PROX1: variants seen among roughly 807,000 people sequenced by gnomAD.
The protein encoded by PROX1 is prospero homeobox 1, also known as prospero homeobox protein 1.
Under a neutral mutation model 58.8 loss-of-function variants are expected in PROX1, and 7 were observed. The observed-to-expected ratio is 0.12, with a 90% CI of 0.07 to 0.22. The LOEUF (loss-of-function observed/expected upper bound fraction) is 0.22. PROX1 is among the 10% of genes least tolerant of loss of function. The pLI, the probability that PROX1 is intolerant of heterozygous loss-of-function variation, is 1.00. For missense variants in PROX1, 675 were observed against 927.8 expected (o/e 0.73, Z 3.54); for synonymous variants, 350 against 358.3 (o/e 0.98, Z 0.26).
intron 1 of PROX1, among the ~76,000 whole-genome samples, chr1:213,991,894 T>C (rs1663050784): frequency 6.6e-6 from 1 of 152,176 alleles, no homozygotes; most frequent in African/African-American, 2.4e-5. Context: ...AATATGAAAA[T>C]AGATTGTGCA....
chr1:214,004,788 GA>G (rs540439814), intron 2 of PROX1, among the ~76,000 whole-genome samples: 5 of 151,202 alleles, frequency 3.3e-5, no homozygotes, highest in African/African-American at 4.9e-5. Context: ...TTGCAAGGAA[GA>G]AAAAAAAACC....
At chr1:214,002,089 A>G (rs1663536164) in intron 2 of PROX1, among the ~76,000 whole-genome samples, 1 of 152,188 alleles carries the variant, frequency 6.6e-6, no homozygotes, top group South Asian at 2.1e-4. Flanking sequence ...AGTAGTCTCA[A>G]CCCATTTGCT....
intron 1 of PROX1, among the ~76,000 whole-genome samples, chr1:213,996,017 G>A (rs1027568994): frequency 7.9e-5 from 12 of 152,056 alleles, no homozygotes; most frequent in African/African-American, 2.9e-4. Context: ...CACACTAATT[G>A]TAATGCAGAA....
chr1:213,983,520 C>G (rs539211853), upstream of PROX1, among the ~76,000 whole-genome samples: 118 of 152,328 alleles, frequency 7.7e-4, 4 homozygotes, highest in South Asian at 0.024. Flanking sequence ...GCAAAGGTGT[C>G]CCCTTCACAC....
At chr1:213,994,136 C>T (rs544959432) in intron 1 of PROX1, among the ~76,000 whole-genome samples, 90 of 150,276 alleles carry the variant, frequency 6.0e-4, no homozygotes, top group African/African-American at 2.1e-3. Flanking sequence ...TGGGGATGAC[C>T]TTGTGCTCAT....
intron 4 of PROX1, among the ~76,000 whole-genome samples, chr1:214,033,645 G>T (rs1664736720): frequency 6.6e-6 from 1 of 152,148 alleles, no homozygotes; most frequent in South Asian, 2.1e-4. Flanking sequence ...TGTAGCATTT[G>T]GCTAACAGCT....
Position 214,035,964 on chromosome 1 carries a change from G to T in PROX1, c.*130G>T. 1.4e-6 allele frequency: 1 copy of T among 702,786 alleles called. No homozygotes were observed. The allele number at this position is 702,786 out of a possible 1,614,324, so 43.5% of individuals were successfully genotyped here. On this transcript the variant is annotated 3_prime_UTR_variant, in exon 5 of 5. Coordinates refer to ENST00000366958, the MANE Select transcript of PROX1 (RefSeq NM_001270616.2). ...CATGGATATGTTATGAAATCAGCTG[G>T]TAATTCCTCCTCATCACGTTTCTCT...
chr1:213,996,541 T>C lies in PROX1; in HGVS notation c.6T>C (p.Pro2=). The change falls in exon 2 of 5, where the codon CCT becomes CCC. Residue 2 remains proline, a synonymous_variant. Coordinates refer to ENST00000366958, the MANE Select transcript of PROX1 (RefSeq NM_001270616.2). ...GGCACAATAACCGTCCAGTGATGCC[T>C]GACCATGACAGCACAGCCCTCTTAA... M[P]DHDSTALLSR... is the part of the protein sequence containing the mutation. 10 of 1,612,384 alleles carry C rather than the reference T, an allele frequency of 6.2e-6. No individual in the cohort carries two copies. Among genetic ancestry groups the C allele is most frequent in the Non-Finnish European group, 8.5e-6 (10 of 1,178,790 alleles).
At chr1:213,993,505 A>G (rs950474570) in intron 1 of PROX1, among the ~76,000 whole-genome samples, 3 of 152,230 alleles carry the variant, frequency 2.0e-5, no homozygotes, top group Non-Finnish European at 4.4e-5. Context: ...AAATGTTTTT[A>G]AGAGATTTAA....
chr1:214,028,206 C>T (rs1231959085), intron 4 of PROX1, among the ~76,000 whole-genome samples: 1 of 152,172 alleles, frequency 6.6e-6, no homozygotes, highest in Non-Finnish European at 1.5e-5. Context: ...AGCAACTTCA[C>T]AGCCAGTGCT....
chr1:214,035,598 A>AGACTT (rs1571849614), intron 4 of PROX1, 51 bp from the exon 5 acceptor site: 1 of 1,538,974 alleles, frequency 6.5e-7, no homozygotes, highest in East Asian at 2.3e-5. Context: ...GAATAACTGT[A>AGACTT]GACTTGAAAC....
At chr1:214,000,817 C>A (rs543590459) in intron 2 of PROX1, among the ~76,000 whole-genome samples, 3 of 152,136 alleles carry the variant, frequency 2.0e-5, no homozygotes, top group Admixed American at 6.5e-5. Flanking sequence ...GCAGTGTGTT[C>A]TTCCCTTGAT....
chr1:213,998,395 T>C (rs1028836185), intron 2 of PROX1, 135 bp downstream of exon 2: 2 of 1,112,750 alleles, frequency 1.8e-6, no homozygotes, highest in Admixed American at 3.0e-5. Flanking sequence ...TTCAAAGGAA[T>C]AGGCTTTTAT....
At position 214,027,856 on chromosome 1, in the gene PROX1, T is replaced by TTATATA. The variant is rs139270548; in HGVS notation, c.2029-7780_2029-7775dup. Among the ~76,000 whole-genome samples, 352 of 145,014 alleles carry TTATATA rather than the reference T, an allele frequency of 2.4e-3. 1 individual carries two copies. The highest frequency in any genetic ancestry group is 8.1e-3 in the African/African-American group (327 of 40,520). The stretch of plus-strand genomic sequence containing the variant: ...AACAGAACATTGTTCTTTCGAAGCT[T>TTATATA]TATATATATATATATATAAAAGAGA... On this transcript the variant is annotated intron_variant, in intron 4 of 4. Coordinates refer to ENST00000366958, the MANE Select transcript of PROX1 (RefSeq NM_001270616.2).
intron 4 of PROX1, among the ~76,000 whole-genome samples, chr1:214,028,254 A>G (rs1442860772): frequency 2.0e-5 from 3 of 152,130 alleles, no homozygotes; most frequent in Non-Finnish European, 1.5e-5. Flanking sequence ...CAAGCATCCT[A>G]ATAAAATTCA....
rs1664846155 is a variant in PROX1, at chr1:214,036,879, G to A, written c.*1045G>A. On this transcript the variant is annotated 3_prime_UTR_variant, in exon 5 of 5. Transcript: ENST00000366958. ...AGCTGACTTGATCGTCATCTCCTAA[G>A]AGGAACACATATATTTTCACAAGCA... 6.6e-6 allele frequency: 1 copy of A among 152,212 alleles called. No individual in the cohort carries two copies. Among genetic ancestry groups the A allele is most frequent in the Non-Finnish European group, 1.5e-5 (1 of 68,036 alleles). 9.4% of individuals were successfully genotyped at this position (152,212 alleles called of 1,614,324 possible).
At chr1:214,016,080 G>C (rs890703510) in intron 4 of PROX1, among the ~76,000 whole-genome samples, 3 of 152,180 alleles carry the variant, frequency 2.0e-5, no homozygotes, top group African/African-American at 7.2e-5. Flanking sequence ...CCATCTTAGA[G>C]ACTGTGGGTT....
Position 213,997,897 on chromosome 1 carries a change from C to T in PROX1, c.1362C>T (p.Gly454=), listed in dbSNP as rs1439169129. Residue 454 remains glycine, a synonymous_variant, in exon 2 of 5, where the codon GGC becomes GGT. Transcript: ENST00000366958. This position sits in a 1 kb window ranked among gnomAD's most constrained non-coding sequence, Gnocchi z 7.1. ...RKNSSDQSAS[G]PAAGGHHQPL... is the part of the protein sequence containing the mutation. ...ACTCCTCTGACCAGTCTGCCTCCGG[C>T]CCTGCCGCTGGCGGCCACCACCAGC... 3 of 1,612,436 alleles carry T rather than the reference C, an allele frequency of 1.9e-6. No individual in the cohort carries two copies. The highest frequency in any genetic ancestry group is 2.5e-6 in the Non-Finnish European group (3 of 1,179,036).
chr1:214,013,433 A>G (rs1273966348), intron 4 of PROX1, among the ~76,000 whole-genome samples: 1 of 152,212 alleles, frequency 6.6e-6, no homozygotes, highest in African/African-American at 2.4e-5. Context: ...AATTATTTAC[A>G]TTACATGATG....
Sources: allele counts gnomAD v4.1 joint callset (sites outside exome capture counted in the v4.1 genomes callset), GRCh38; gene constraint gnomAD v4.1.1; non-coding constraint Gnocchi (gnomAD v3.1); transcripts MANE v1.5; gene names NCBI Gene and HGNC (gene_info 2026-07-23, HGNC 2026-07-21).